SOX5: variants seen among roughly 807,000 people sequenced by gnomAD.
SOX5 encodes the protein transcription factor SOX-5.
SOX5 carries 9 observed loss-of-function variants against 92.0 expected under a neutral mutation model. That is an observed-to-expected ratio of 0.10 (90% CI 0.06 to 0.17). SOX5 has a LOEUF of 0.17. Ranked by LOEUF, SOX5 falls within the 10% of genes least tolerant of loss-of-function variation. SOX5 has a pLI of 1.00. For missense variants in SOX5, 642 were observed against 944.5 expected (o/e 0.68, Z 4.20); for synonymous variants, 344 against 336.3 (o/e 1.02, Z -0.25).
At chr12:24,108,066 A>C (rs1376864593) in intron 4 of SOX5, among the ~76,000 whole-genome samples, 1 of 152,216 alleles carries the variant, frequency 6.6e-6, no homozygotes, top group Middle Eastern at 3.2e-3. Context: ...AAAAGGCAGA[A>C]TAGGACAACA....
intron 4 of SOX5, among the ~76,000 whole-genome samples, chr12:24,010,978 G>T (rs372570826): frequency 2.0e-5 from 3 of 152,020 alleles, no homozygotes; most frequent in East Asian, 3.9e-4. Flanking sequence ...ATATTAATAG[G>T]GTTTAGATGC....
At chr12:23,614,957 G>A (rs980177646) in intron 8 of SOX5, among the ~76,000 whole-genome samples, 3 of 152,056 alleles carry the variant, frequency 2.0e-5, no homozygotes, top group East Asian at 1.9e-4. Context: ...GTGTGCCACC[G>A]CGCCCAGCTA....
chr12:24,031,104 T>C (rs1011963680), intron 4 of SOX5, among the ~76,000 whole-genome samples: 4 of 151,814 alleles, frequency 2.6e-5, no homozygotes, highest in East Asian at 1.9e-4. Context: ...GGAATGTATA[T>C]TGGAACAGCC....
intron 3 of SOX5, among the ~76,000 whole-genome samples, chr12:24,257,618 AC>A (rs1941421053): frequency 6.6e-6 from 1 of 151,940 alleles, no homozygotes; most frequent in South Asian, 2.1e-4. Context: ...ACAGGCACGC[AC>A]CACCACGACT....
At chr12:24,370,028 T>C (rs185524157) in intron 1 of SOX5, among the ~76,000 whole-genome samples, 6 of 152,354 alleles carry the variant, frequency 3.9e-5, no homozygotes, top group Admixed American at 6.5e-5. Flanking sequence ...ATAATAGATA[T>C]AGAAATTGTT....
At chr12:24,503,442 G>A (rs747842010) in intron 1 of SOX5, among the ~76,000 whole-genome samples, 4 of 152,136 alleles carry the variant, frequency 2.6e-5, no homozygotes, top group Admixed American at 1.3e-4. Flanking sequence ...ATTATATAAC[G>A]AGGCTGAAAA....
intron 6 of SOX5, among the ~76,000 whole-genome samples, chr12:23,716,455 C>T (rs1228086653): frequency 6.6e-6 from 1 of 152,174 alleles, no homozygotes; most frequent in Non-Finnish European, 1.5e-5. Context: ...TTAGACACTA[C>T]ACTAATATGT....
At chr12:24,400,502 A>C (rs1380456961) in intron 1 of SOX5, among the ~76,000 whole-genome samples, 1 of 152,242 alleles carries the variant, frequency 6.6e-6, no homozygotes, top group Non-Finnish European at 1.5e-5. Flanking sequence ...AAGTTAGCAG[A>C]AAAAGAAATT....
At chr12:23,800,080 G>T (rs2095633948) in intron 3 of SOX5, among the ~76,000 whole-genome samples, 1 of 151,942 alleles carries the variant, frequency 6.6e-6, no homozygotes, top group African/African-American at 2.4e-5. Flanking sequence ...AGTGCTCATG[G>T]TTGAGATGCT....
chr12:24,215,384 A>T (rs2139725251), intron 3 of SOX5, among the ~76,000 whole-genome samples: 1 of 152,282 alleles, frequency 6.6e-6, no homozygotes, highest in South Asian at 2.1e-4. Flanking sequence ...TATAAGAGCT[A>T]AAGAACAAGT....
intron 3 of SOX5, among the ~76,000 whole-genome samples, chr12:23,789,871 T>C (rs866626715): frequency 6.6e-6 from 1 of 152,292 alleles, no homozygotes; most frequent in Middle Eastern, 3.4e-3. Flanking sequence ...CACTGATACA[T>C]TTCATACTTT....
At position 24,310,105 on chromosome 12, in the gene SOX5, T is replaced by C. The variant is rs567687829; in HGVS notation, c.-173-32793A>G. 5.3e-5 allele frequency among the ~76,000 whole-genome samples: 8 copies of C among 152,288 alleles called. No individual in the cohort carries two copies. In the East Asian group the frequency reaches 1.5e-3, roughly 29 times the overall value. On this transcript the variant is annotated intron_variant, in intron 2 of 4. Coordinates refer to the SOX5 transcript ENST00000446891. ...TGCGTGAGGATGTTTAAAGGCCACT[T>C]ATATTGCTAAAAAAATGGATTTACA...
intron 3 of SOX5, among the ~76,000 whole-genome samples, chr12:23,771,214 A>G (rs1229425240): frequency 1.3e-5 from 2 of 151,558 alleles, no homozygotes; most frequent in Non-Finnish European, 2.9e-5. Flanking sequence ...AGAAAGAAAG[A>G]AAAACTAATA....
intron 2 of SOX5, among the ~76,000 whole-genome samples, chr12:23,877,428 CTGTT>C (rs559694989): frequency 6.4e-4 from 97 of 152,210 alleles, no homozygotes; most frequent in African/African-American, 2.1e-3. Context: ...TGAGTCCAGT[CTGTT>C]TATGTTTCCT....
At chr12:24,404,134 A>G (rs1443395804) in intron 1 of SOX5, among the ~76,000 whole-genome samples, 2 of 152,210 alleles carry the variant, frequency 1.3e-5, no homozygotes, top group Non-Finnish European at 2.9e-5. Context: ...CATTATCATT[A>G]TCCAGTAAAT....
At chr12:23,948,600 CTT>C (rs879891525) in intron 1 of SOX5, among the ~76,000 whole-genome samples, 5 of 141,490 alleles carry the variant, frequency 3.5e-5, no homozygotes, top group African/African-American at 2.6e-5. Context: ...CTTTTTTTAG[CTT>C]TTTTTTTTTT....
intron 4 of SOX5, among the ~76,000 whole-genome samples, chr12:24,120,738 T>C (rs2138316009): frequency 6.6e-6 from 1 of 152,362 alleles, no homozygotes; most frequent in South Asian, 2.1e-4. Context: ...CTTTTTCTTA[T>C]GGCAGAGAAT....
chr12:23,818,345 C>T (rs149009529), intron 3 of SOX5, among the ~76,000 whole-genome samples: 43 of 152,030 alleles, frequency 2.8e-4, no homozygotes, highest in East Asian at 1.2e-3. Flanking sequence ...AACTGTAACA[C>T]GACTGTAAGT....
intron 4 of SOX5, among the ~76,000 whole-genome samples, chr12:24,062,083 G>T (rs1939836154): frequency 6.6e-6 from 1 of 152,112 alleles, no homozygotes; most frequent in Non-Finnish European, 1.5e-5. Flanking sequence ...TTTGTACAGG[G>T]TGTACATATT....
Sources: gnomAD v4.1 joint callset for allele counts (sites outside exome capture counted in the v4.1 genomes callset) on GRCh38, gnomAD v4.1.1 for gene constraint, MANE v1.5 for transcripts, NCBI Gene and HGNC (gene_info 2026-07-23, HGNC 2026-07-21) for gene names.